The following RASSF3 variants were observed in gnomAD, a reference collection of about 807,000 sequenced individuals.
RASSF3 encodes the protein Ras association domain family member 3.
In RASSF3, 19 loss-of-function variants were observed where a neutral mutation model predicts 19.9. That is an observed-to-expected ratio of 0.96 (90% CI 0.67 to 1.40). RASSF3 has a LOEUF of 1.40. RASSF3 is among the 40% of genes most tolerant of loss of function. RASSF3 has a pLI of 0.00. For synonymous variants in RASSF3, 110 were observed against 104.2 expected (o/e 1.06, Z -0.34); for missense variants, 306 against 289.8 (o/e 1.06, Z -0.41).
chr12:64,616,482 T>A (rs1870555708), intron 1 of RASSF3, among the ~76,000 whole-genome samples: 1 of 152,190 alleles, frequency 6.6e-6, no homozygotes, highest in Non-Finnish European at 1.5e-5. Flanking sequence ...GCCCTCGCAT[T>A]TTCCACCCCC....
At chr12:64,608,881 T>C (rs1472182537), upstream of RASSF3, among the ~76,000 whole-genome samples, 1 of 152,190 alleles carries the variant, frequency 6.6e-6, no homozygotes, top group Non-Finnish European at 1.5e-5. Flanking sequence ...GGTGAAACTA[T>C]ATGGAGTTAG....
At chr12:64,661,658 C>T (rs1872363161) in intron 1 of RASSF3, among the ~76,000 whole-genome samples, 1 of 150,760 alleles carries the variant, frequency 6.6e-6, no homozygotes, top group Admixed American at 6.6e-5. Flanking sequence ...AACAAGACCC[C>T]ATCTCTCTTT....
At chr12:64,657,895 C>T (rs537591300) in intron 1 of RASSF3, among the ~76,000 whole-genome samples, 70 of 151,952 alleles carry the variant, frequency 4.6e-4, no homozygotes, top group Non-Finnish European at 6.6e-4. Context: ...CCAGCCTGGG[C>T]GAGACCTCAT....
In RASSF3 at chr12:64,691,620, G is replaced by C. The variant is rs777971846; in HGVS notation, c.567+41G>C. ...CTATTGCTTTAAACTATACAGAACA[G>C]CTGGCCCTATTTTATTGCAGTAGCC... On this transcript the variant is annotated intron_variant, in intron 4 of 4. Transcript: ENST00000542104. 2.2e-6 allele frequency: 3 copies of C among 1,344,414 alleles called. No homozygotes were observed. In the South Asian group the frequency reaches 3.6e-5, roughly 16 times the overall value. The allele number at this position is 1,344,414 out of a possible 1,614,324, so 83.3% of individuals were successfully genotyped here. A position where few individuals can be genotyped will look rare whatever the true frequency, so the allele number is the denominator to read the frequency against.
intron 1 of RASSF3, among the ~76,000 whole-genome samples, chr12:64,648,850 G>C (rs1017900575): frequency 2.9e-4 from 37 of 128,680 alleles, no homozygotes; most frequent in African/African-American, 1.0e-3. Context: ...CTGTTACCCA[G>C]GCTGGAGTGC....
At chr12:64,623,388 A>G (rs930590343) in intron 1 of RASSF3, among the ~76,000 whole-genome samples, 2 of 152,222 alleles carry the variant, frequency 1.3e-5, no homozygotes, top group African/African-American at 4.8e-5. Context: ...TTTAACTAGC[A>G]CGTTTATCCG....
intron 1 of RASSF3, among the ~76,000 whole-genome samples, chr12:64,614,256 C>T (rs912336997): frequency 6.6e-6 from 1 of 151,640 alleles, no homozygotes; most frequent in African/African-American, 2.4e-5. Context: ...GCCTCAGCCT[C>T]CCGAGTAGCT....
At chr12:64,547,306 G>A (rs1321900222) in intron 2 of RASSF3, among the ~76,000 whole-genome samples, 3 of 148,872 alleles carry the variant, frequency 2.0e-5, no homozygotes, top group East Asian at 2.0e-4. Flanking sequence ...GGTGACTCAC[G>A]CCTGTAATCC....
At chr12:64,555,748 C>CA (rs10719297) in intron 2 of RASSF3, among the ~76,000 whole-genome samples, 13,000 of 141,358 alleles carry the variant, frequency 0.092, 620 homozygotes, top group Middle Eastern at 0.14. Context: ...GACTCTATCT[C>CA]AAAAAAAAAA....
At chr12:64,608,947 T>C (rs560616998), upstream of RASSF3, among the ~76,000 whole-genome samples, 2 of 152,270 alleles carry the variant, frequency 1.3e-5, no homozygotes, top group Admixed American at 1.3e-4. Context: ...GACTTTAATG[T>C]TGTAGGACCT....
intron 2 of RASSF3, among the ~76,000 whole-genome samples, chr12:64,571,267 A>G (rs931328817): frequency 6.6e-6 from 1 of 152,174 alleles, no homozygotes; most frequent in Non-Finnish European, 1.5e-5. Flanking sequence ...TTTGTCTCCA[A>G]GCTTGCCCAG....
intron 2 of RASSF3, among the ~76,000 whole-genome samples, chr12:64,554,088 C>A (rs78766217): frequency 6.6e-6 from 1 of 152,050 alleles, no homozygotes; most frequent in Non-Finnish European, 1.5e-5. Flanking sequence ...CCCATTGGCC[C>A]AGTTTCTGAT....
chr12:64,608,214 C>CT (rs1870227953), upstream of RASSF3, among the ~76,000 whole-genome samples: 1 of 152,062 alleles, frequency 6.6e-6, no homozygotes. Context: ...TTTATTATAA[C>CT]TGATTCTGAT....
At chr12:64,562,430 C>T (rs575239599) in intron 2 of RASSF3, among the ~76,000 whole-genome samples, 1 of 152,174 alleles carries the variant, frequency 6.6e-6, no homozygotes, top group South Asian at 2.1e-4. Context: ...TTCAAATTGC[C>T]TTCCTAGTAT....
chr12:64,559,861 C>G (rs1256082040), intron 2 of RASSF3, among the ~76,000 whole-genome samples: 1 of 152,256 alleles, frequency 6.6e-6, no homozygotes, highest in Admixed American at 6.5e-5. Context: ...CTCGCTAATT[C>G]TTATAGGTCC....
chr12:64,640,177 A>G (rs1871465021), intron 1 of RASSF3, among the ~76,000 whole-genome samples: 1 of 152,174 alleles, frequency 6.6e-6, no homozygotes, highest in South Asian at 2.1e-4. Flanking sequence ...TAATTGATAT[A>G]CCAGAAACCT....
chr12:64,685,338 G>A (rs1238929031), intron 2 of RASSF3, among the ~76,000 whole-genome samples: 2 of 152,018 alleles, frequency 1.3e-5, no homozygotes, highest in East Asian at 1.9e-4. Flanking sequence ...CTCGACCTCC[G>A]GGCTCAAGTA....
intron 2 of RASSF3, among the ~76,000 whole-genome samples, chr12:64,569,236 A>C (rs1261426394): frequency 6.6e-6 from 1 of 152,198 alleles, no homozygotes; most frequent in Non-Finnish European, 1.5e-5. Flanking sequence ...TCTTCTAGAA[A>C]AGCCATGCTT....
intron 1 of RASSF3, among the ~76,000 whole-genome samples, chr12:64,652,094 A>G (rs1056720324): frequency 4.6e-5 from 7 of 152,226 alleles, no homozygotes; most frequent in Non-Finnish European, 1.0e-4. Context: ...AGGTGTTATA[A>G]TAGATTACCA....
Sources: allele counts gnomAD v4.1 joint callset (sites outside exome capture counted in the v4.1 genomes callset), GRCh38; gene constraint gnomAD v4.1.1; transcripts MANE v1.5; gene names NCBI Gene and HGNC (gene_info 2026-07-23, HGNC 2026-07-21).